The following DCTN1 variants were observed in gnomAD, a reference collection of about 807,000 sequenced individuals.
DCTN1 encodes dynactin subunit 1.
A neutral mutation model predicts 161.2 loss-of-function variants in DCTN1; 61 were observed. The ratio of observed to expected loss-of-function variants is 0.38; its 90% CI spans 0.31 to 0.47. The LOEUF (loss-of-function observed/expected upper bound fraction) is 0.47. Among genes scored for constraint, DCTN1 ranks in the 20% least tolerant of loss-of-function variants. The probability of loss-of-function intolerance (pLI) is 0.99; values close to 1 mark genes in which losing one functional copy is unlikely to be tolerated. For synonymous variants in DCTN1, 653 were observed against 632.4 expected (o/e 1.03, Z -0.49); for missense variants, 1,404 against 1,623.7 (o/e 0.86, Z 2.33).
At position 74,369,649 on chromosome 2, in the gene DCTN1, C is replaced by A. The variant is rs1421995280; in HGVS notation, c.1393-158G>T. Among the ~76,000 whole-genome samples, 2 of 152,010 alleles carry A rather than the reference C, an allele frequency of 1.3e-5. No homozygotes were observed. The highest frequency in any genetic ancestry group is 2.9e-5 in the Non-Finnish European group (2 of 68,008). On this transcript the variant is annotated intron_variant, in intron 13 of 31. Transcript: ENST00000628224. The surrounding 1 kb of genome is among the most constrained non-coding windows in gnomAD (Gnocchi z 4.9). ...CCAACATGGTGAAACCCCATCTCTACTAAAAATACAAAAATTAGCTGGGTA... is the reference window on the plus strand; with the variant it reads ...CCAACATGGTGAAACCCCATCTCTAATAAAAATACAAAAATTAGCTGGGTA...
At chr2:74,375,657 G>GC (rs1470331134) in intron 5 of DCTN1, among the ~76,000 whole-genome samples, 1 of 152,170 alleles carries the variant, frequency 6.6e-6, no homozygotes, top group Non-Finnish European at 1.5e-5. Context: ...TGAAATGGAA[G>GC]CCCCAACCAG....
intron 1 of DCTN1, among the ~76,000 whole-genome samples, chr2:74,388,746 C>T (rs1447145242): frequency 1.3e-5 from 2 of 152,196 alleles, no homozygotes; most frequent in Non-Finnish European, 2.9e-5. Context: ...AAGCACTCGG[C>T]GTAGGGCTTT....
intron 26 of DCTN1, 119 bp downstream of exon 26, chr2:74,364,956 G>A (rs894909293): frequency 9.2e-5 from 117 of 1,273,150 alleles, no homozygotes; most frequent in Non-Finnish European, 1.3e-4. Context: ...AACTGTGTAA[G>A]CATGTTCCTG....
chr2:74,361,330 C>G lies in DCTN1; in HGVS notation c.*169G>C, dbSNP rs1456399297. On this transcript the variant is annotated 3_prime_UTR_variant, in exon 32 of 32. Coordinates refer to ENST00000628224, the MANE Select transcript of DCTN1 (RefSeq NM_004082.5). ...GGCCAGGGAATGGGAGTGGGGGAAC[C>G]CGGGTCAAGGTGAAGGGGCAGGACG... 1.0e-6 allele frequency: 1 copy of G among 953,120 alleles called. No homozygotes were observed. The highest frequency in any genetic ancestry group is 1.6e-6 in the Non-Finnish European group (1 of 616,436). 59.0% of individuals were successfully genotyped at this position (953,120 alleles called of 1,614,324 possible).
rs150746209 is a variant in DCTN1 at position 74,367,981 on chromosome 2, G to A, written c.2005C>T (p.Arg669Cys). ...SLSLLQATLH[R>C]YEHALSQCSV... ...TCAGGAGTCACTTACTGCTCATAGC[G>A]GTGTAGCGTGGCCTGCAGCAGGCTC... The change falls in exon 17 of 32, where the codon CGC becomes TGC. Residue 669 changes from arginine (R) to cysteine (C), a missense_variant. Coordinates refer to ENST00000628224, the MANE Select transcript of DCTN1 (RefSeq NM_004082.5). The A allele has an allele frequency of 3.9e-5, 63 of 1,614,094 alleles. No homozygotes were observed. The highest frequency in any genetic ancestry group is 4.8e-5 in the Non-Finnish European group (57 of 1,180,036).
At chr2:74,365,703 T>C in intron 24 of DCTN1, 46 bp from the exon 25 acceptor site, 1 of 1,613,764 alleles carries the variant, frequency 6.2e-7, no homozygotes, top group South Asian at 1.1e-5. Flanking sequence ...CTCCCCACAG[T>C]CCCTGGAAAC....
rs781699765 is a variant in DCTN1 at position 74,367,132 on chromosome 2, A to G, written c.2254-25T>C. 6 of 1,613,860 alleles carry G rather than the reference A, an allele frequency of 3.7e-6. No homozygotes were observed. The South Asian group carries it at 4.4e-5, about 12-fold the overall frequency. On this transcript the variant is annotated intron_variant, in intron 19 of 31. Transcript: ENST00000628224. Reference sequence around the variant, plus strand: ...ACTGTGAGGATAGAAGCATGCAATCATCAGCCCCCAGCAGGAGCCCTTCTG... The same window carrying G: ...ACTGTGAGGATAGAAGCATGCAATCGTCAGCCCCCAGCAGGAGCCCTTCTG...
chr2:74,370,805 C>G lies in DCTN1; in HGVS notation c.864G>C (p.Glu288Asp), dbSNP rs1042083899. 3 of 1,614,130 alleles carry G rather than the reference C, an allele frequency of 1.9e-6. No homozygotes were observed. Among genetic ancestry groups the G allele is most frequent in the Non-Finnish European group, 2.5e-6 (3 of 1,180,056 alleles). The change falls in exon 10 of 32, where the codon GAG becomes GAC. Residue 288 changes from glutamate (E) to aspartate (D), a missense_variant. Glu to Asp is a conservative substitution (Grantham distance 45). Coordinates refer to ENST00000628224, the MANE Select transcript of DCTN1 (RefSeq NM_004082.5). This position sits in a 1 kb window ranked among gnomAD's most constrained non-coding sequence, Gnocchi z 4.4. ...EARKEAKEAL[E>D]AKERYMEEMA... ...TCTCCTCCATATAGCGTTCCTTTGC[C>G]TCCAGCGCCTCCTTGGCTTCCTGAG...
chr2:74,372,065 G>A (rs925142500), intron 7 of DCTN1: 5 of 344,922 alleles, frequency 1.4e-5, no homozygotes, highest in African/African-American at 6.3e-5. Flanking sequence ...AGCAGAATCC[G>A]TTATTCCCTA....
rs1442881228 is a variant in DCTN1 at position 74,363,006 on chromosome 2, G to A, written c.3517C>T (p.Arg1173Cys). 5.0e-6 allele frequency: 8 copies of A among 1,613,174 alleles called. No individual in the cohort carries two copies. The highest frequency in any genetic ancestry group is 2.7e-5 in the African/African-American group (2 of 75,012). Residue 1173 changes from arginine (R) to cysteine (C), a missense_variant, in exon 29 of 32, where the codon CGC (arginine) becomes TGC (cysteine). By Grantham distance (180) the Arg-to-Cys change is radical. This residue lies in a region of DCTN1 where 311 missense variants were observed against 298.9 expected (regional missense o/e 1.04). Transcript: ENST00000628224. ...STHTHVVDIT[R>C]TSPAAKSPSA... ...GGCAGGTACATACCAGGGCTGGTGC[G>A]AGTGATGTCTACTACGTGCGTGTGT...
rs1674791034 is a variant in DCTN1 at position 74,370,902 on chromosome 2, C to A, written c.843+77G>T. On this transcript the variant is annotated intron_variant, in intron 9 of 31. Coordinates refer to ENST00000628224, the MANE Select transcript of DCTN1 (RefSeq NM_004082.5). This position sits in a 1 kb window ranked among gnomAD's most constrained non-coding sequence, Gnocchi z 4.4. ...CCTTTCTCACAGTATGTTCCAGGCT[C>A]CAGCTCCAGTCTAGTTTCCAGCATG... 1 of 1,613,264 alleles carries A rather than the reference C, an allele frequency of 6.2e-7. No homozygotes were observed. The highest frequency in any genetic ancestry group is 1.3e-5 in the African/African-American group (1 of 74,908).
In DCTN1 at chr2:74,369,575, G is replaced by C; in HGVS notation, c.1393-84C>G. On this transcript the variant is annotated intron_variant, in intron 13 of 31. Transcript: ENST00000628224. The surrounding 1 kb of genome is among the most constrained non-coding windows in gnomAD (Gnocchi z 4.9). The stretch of plus-strand genomic sequence containing the variant: ...TTCACACCTGTAATCCCAGCACTTT[G>C]GGAGGTCAAAGCAGGCGGATCATGA... 7.0e-7 allele frequency: 1 copy of C among 1,422,666 alleles called. No homozygotes were observed. Among genetic ancestry groups the C allele is most frequent in the Non-Finnish European group, 9.8e-7 (1 of 1,018,156 alleles). The allele number at this position is 1,422,666 out of a possible 1,614,324, so 88.1% of individuals were successfully genotyped here.
Position 74,370,359 on chromosome 2 carries a change from A to G in DCTN1, c.1128-14T>C. The G allele has an allele frequency of 6.2e-7, 1 of 1,614,030 alleles. No homozygotes were observed. Among genetic ancestry groups the G allele is most frequent in the Non-Finnish European group, 8.5e-7 (1 of 1,180,028 alleles). Reference sequence around the variant, plus strand: ...AGATCCCGCATCCTGCAGGGATGTGAGGAAGGCAGAAGGAGGAAAGCACGT... The same window carrying G: ...AGATCCCGCATCCTGCAGGGATGTGGGGAAGGCAGAAGGAGGAAAGCACGT... On this transcript the variant is annotated splice_polypyrimidine_tract_variant and intron_variant, in intron 11 of 31. Coordinates refer to ENST00000628224, the MANE Select transcript of DCTN1 (RefSeq NM_004082.5). This position sits in a 1 kb window ranked among gnomAD's most constrained non-coding sequence, Gnocchi z 4.4.
rs554525621 is a variant in DCTN1, at chr2:74,389,663, C to G, written c.-19+2131G>C. ...CCTTTCTCCTCCATTATCACTATCA[C>G]TACTTCAGTCTGCCATGTAATAGCT... On this transcript the variant is annotated intron_variant, in intron 1 of 27. Transcript: ENST00000409240. Among the ~76,000 whole-genome samples, 6 of 152,318 alleles carry G rather than the reference C, an allele frequency of 3.9e-5. No individual in the cohort carries two copies. In the East Asian group the frequency reaches 1.2e-3, roughly 29 times the overall value.
At position 74,380,075 on chromosome 2, in the gene DCTN1, CAA is replaced by C; in HGVS notation, c.-40_-39del. ...GCCTCTACCCCCTCCCCCAGCTGGCCAAAGACAGAGAGAAAAGGTAGAAACCT... is the reference window on the plus strand; with the variant it reads ...GCCTCTACCCCCTCCCCCAGCTGGCCAGACAGAGAGAAAAGGTAGAAACCT... On this transcript the variant is annotated 5_prime_UTR_variant, in exon 1 of 32. Coordinates refer to ENST00000628224, the MANE Select transcript of DCTN1 (RefSeq NM_004082.5). 1.2e-6 allele frequency: 2 copies of C among 1,613,036 alleles called. No homozygotes were observed. Among genetic ancestry groups the C allele is most frequent in the Non-Finnish European group, 1.7e-6 (2 of 1,179,356 alleles).
In DCTN1 at chr2:74,366,637, A is replaced by G. The variant is rs371136234; in HGVS notation, c.2467-17T>C. On this transcript the variant is annotated splice_polypyrimidine_tract_variant and intron_variant, in intron 21 of 31. Transcript: ENST00000628224. Reference sequence around the variant, plus strand: ...GTCAGATACCTGTGTGCCAGGCCAGAGTCAGGAGTCAACCCTGGGTTCAGC... The same window carrying G: ...GTCAGATACCTGTGTGCCAGGCCAGGGTCAGGAGTCAACCCTGGGTTCAGC... 2 of 1,612,598 alleles carry G rather than the reference A, an allele frequency of 1.2e-6. No homozygotes were observed. The highest frequency in any genetic ancestry group is 1.7e-5 in the Admixed American group (1 of 60,010).
intron 18 of DCTN1, 77 bp from the exon 19 acceptor site, chr2:74,367,497 C>T: frequency 1.3e-6 from 2 of 1,549,906 alleles, no homozygotes; most frequent in African/African-American, 1.4e-5. Context: ...TAGTTTGAGC[C>T]CTGGTCATCA....
chr2:74,368,274 G>T, intron 16 of DCTN1, 143 bp from the exon 17 acceptor site: 1 of 1,137,560 alleles, frequency 8.8e-7, no homozygotes, highest in Non-Finnish European at 1.3e-6. Context: ...TACCTGGGTG[G>T]GGAATCTTGC....
In DCTN1 at chr2:74,374,558, C is replaced by T. The variant is rs949930375; in HGVS notation, c.415-218G>A. 7.4e-6 allele frequency: 10 copies of T among 1,355,312 alleles called. No individual in the cohort carries two copies. In the African/African-American group the frequency reaches 8.8e-5, roughly 12 times the overall value. 84.0% of individuals were successfully genotyped at this position (1,355,312 alleles called of 1,614,324 possible). A position where few individuals can be genotyped will look rare whatever the true frequency, so the allele number is the denominator to read the frequency against. On this transcript the variant is annotated intron_variant, in intron 5 of 31. Coordinates refer to ENST00000628224, the MANE Select transcript of DCTN1 (RefSeq NM_004082.5). ...AGCTTCCCAGCCTGCAAACGGCCGC[C>T]GCTCTGACACAGAGGCCCCCGCAGA...
Sources: allele counts gnomAD v4.1 joint callset (sites outside exome capture counted in the v4.1 genomes callset), GRCh38; gene constraint gnomAD v4.1.1; regional missense constraint gnomAD v4.1.1; non-coding constraint Gnocchi (gnomAD v3.1); transcripts MANE v1.5; gene names NCBI Gene and HGNC (gene_info 2026-07-23, HGNC 2026-07-21).